The following ATRNL1 variants were observed in gnomAD, a reference collection of about 807,000 sequenced individuals.
ATRNL1 encodes the protein attractin like 1, also known as attractin-like protein 1.
In ATRNL1, 95 loss-of-function variants were observed where a neutral mutation model predicts 182.7. The ratio of observed to expected loss-of-function variants is 0.52; its 90% CI spans 0.44 to 0.62. The LOEUF (loss-of-function observed/expected upper bound fraction) is 0.62, where lower values mean the gene tolerates loss of function less well. Among genes scored for constraint, ATRNL1 ranks in the 20% least tolerant of loss-of-function variants. The probability of loss-of-function intolerance (pLI) is 0.00; values close to 1 mark genes in which losing one functional copy is unlikely to be tolerated. For synonymous variants in ATRNL1, 576 were observed against 568.3 expected (o/e 1.01, Z -0.19); for missense variants, 1,471 against 1,679.5 (o/e 0.88, Z 2.17).
intron 26 of ATRNL1, among the ~76,000 whole-genome samples, chr10:115,613,566 T>C (rs949068079): frequency 6.6e-6 from 1 of 152,284 alleles, no homozygotes; most frequent in East Asian, 1.9e-4. Context: ...AATTCCTTCT[T>C]CATCAGTTTT....
At chr10:115,431,309 G>T (rs1405321598) in intron 21 of ATRNL1, among the ~76,000 whole-genome samples, 1 of 151,836 alleles carries the variant, frequency 6.6e-6, no homozygotes, top group Non-Finnish European at 1.5e-5. Flanking sequence ...GGAGGCTGAG[G>T]CAGGAGAATC....
At chr10:115,651,652 C>T (rs1860011470) in intron 26 of ATRNL1, among the ~76,000 whole-genome samples, 1 of 152,084 alleles carries the variant, frequency 6.6e-6, no homozygotes, top group Admixed American at 6.6e-5. Context: ...GCAAGGCATT[C>T]GTGAAACTAA....
intron 28 of ATRNL1, among the ~76,000 whole-genome samples, chr10:115,863,008 G>A (rs1195783517): frequency 2.6e-5 from 4 of 152,180 alleles, no homozygotes; most frequent in East Asian, 1.9e-4. Flanking sequence ...ATCTACAAAC[G>A]TCTACTCATT....
chr10:115,530,644 A>ATTATTT, intron 25 of ATRNL1, among the ~76,000 whole-genome samples: 1 of 152,194 alleles, frequency 6.6e-6, no homozygotes, highest in Non-Finnish European at 1.5e-5. Flanking sequence ...TATTATTATT[A>ATTATTT]TACTTTAAGT....
intron 19 of ATRNL1, among the ~76,000 whole-genome samples, chr10:115,351,020 A>G (rs1299163040): frequency 6.6e-6 from 1 of 152,030 alleles, no homozygotes; most frequent in African/African-American, 2.4e-5. Context: ...GCTATTTTAA[A>G]TGGGATTACT....
intron 26 of ATRNL1, among the ~76,000 whole-genome samples, chr10:115,696,845 C>A (rs1029551712): frequency 1.5e-4 from 22 of 150,594 alleles, no homozygotes; most frequent in Non-Finnish European, 4.4e-5. Context: ...AAAGGGGAAG[C>A]AGGTACAGTC....
intron 21 of ATRNL1, among the ~76,000 whole-genome samples, chr10:115,435,336 T>C (rs982171303): frequency 2.6e-5 from 4 of 152,036 alleles, no homozygotes; most frequent in Admixed American, 2.6e-4. Context: ...TCCACCCTCA[T>C]AGGTGGAATT....
intron 27 of ATRNL1, among the ~76,000 whole-genome samples, chr10:115,795,392 T>C (rs1196173686): frequency 6.6e-6 from 1 of 152,154 alleles, no homozygotes; most frequent in Non-Finnish European, 1.5e-5. Context: ...CCATTATCCT[T>C]AATGTATTGA....
intron 17 of ATRNL1, among the ~76,000 whole-genome samples, chr10:115,308,484 A>G (rs1853848750): frequency 1.3e-5 from 2 of 152,172 alleles, no homozygotes; most frequent in South Asian, 2.1e-4. Flanking sequence ...TATGTGTTCA[A>G]TTTAAACACT....
In ATRNL1 at chr10:115,872,304, T is replaced by C. The variant is rs114709189; in HGVS notation, c.4018+24313T>C. Among the ~76,000 whole-genome samples, 1,047 of 152,296 alleles carry C rather than the reference T, an allele frequency of 6.9e-3. 18 individuals carry two copies. Among genetic ancestry groups the C allele is most frequent in the African/African-American group, 0.024 (1,001 of 41,558 alleles). ...GACAGAAAGATGTCAGTGCTTTCTG[T>C]TGTTAAAAGTTCAAAAGCCTAATAG... On this transcript the variant is annotated intron_variant, in intron 28 of 28. Coordinates refer to ENST00000355044, the MANE Select transcript of ATRNL1 (RefSeq NM_207303.4).
chr10:115,135,945 AC>A (rs1189379845), intron 5 of ATRNL1, among the ~76,000 whole-genome samples: 2 of 151,274 alleles, frequency 1.3e-5, no homozygotes, highest in African/African-American at 2.4e-5. Context: ...TGCAGCGTTG[AC>A]CTTCCATGCT....
At chr10:115,315,451 A>C in intron 17 of ATRNL1, 67 bp from the exon 18 acceptor site, 1 of 1,108,062 alleles carries the variant, frequency 9.0e-7, no homozygotes, top group Non-Finnish European at 1.3e-6. Context: ...TTTATTTTTT[A>C]TTAGCCTATA....
chr10:115,914,415 C>T (rs1952781677), intron 28 of ATRNL1, among the ~76,000 whole-genome samples: 1 of 152,082 alleles, frequency 6.6e-6, no homozygotes, highest in East Asian at 1.9e-4. Context: ...GTCATGTTGA[C>T]CAAAGAGCAG....
chr10:115,299,126 A>T lies in ATRNL1; in HGVS notation c.2416-908A>T, dbSNP rs184643432. Among the ~76,000 whole-genome samples, 349 of 152,002 alleles carry T rather than the reference A, an allele frequency of 2.3e-3. 1 individual carries two copies. Among genetic ancestry groups the T allele is most frequent in the Non-Finnish European group, 3.8e-3 (255 of 67,830 alleles). On this transcript the variant is annotated intron_variant, in intron 15 of 28. Transcript: ENST00000355044. ...ATGTGGAGTTTTGACATCATTTCAC[A>T]TTGTAATATAATATTGGTAGCTTAG...
chr10:115,335,589 A>G (rs148455542), intron 19 of ATRNL1, among the ~76,000 whole-genome samples: 3 of 152,334 alleles, frequency 2.0e-5, no homozygotes, highest in African/African-American at 7.2e-5. Flanking sequence ...TGTGCAGCTA[A>G]TACAGTTGTA....
intron 28 of ATRNL1, among the ~76,000 whole-genome samples, chr10:115,895,923 G>C (rs1952195194): frequency 6.6e-6 from 1 of 152,164 alleles, no homozygotes; most frequent in African/African-American, 2.4e-5. Context: ...GAACATATAT[G>C]AATGTGGAAA....
chr10:115,890,697 A>C (rs1279462710), intron 28 of ATRNL1, among the ~76,000 whole-genome samples: 2 of 152,294 alleles, frequency 1.3e-5, no homozygotes, highest in South Asian at 2.1e-4. Context: ...GAATGAGCCA[A>C]TAAACTTTAG....
chr10:115,795,769 G>A (rs980824689), intron 27 of ATRNL1, among the ~76,000 whole-genome samples: 1 of 152,074 alleles, frequency 6.6e-6, no homozygotes, highest in African/African-American at 2.4e-5. Context: ...GAGGGATGGT[G>A]CGAAGTGCTA....
intron 5 of ATRNL1, among the ~76,000 whole-genome samples, chr10:115,131,348 TTTC>T (rs1372200227): frequency 2.6e-5 from 4 of 152,264 alleles, no homozygotes; most frequent in African/African-American, 9.6e-5. Context: ...TTTATACCAT[TTTC>T]TTAATAATTA....
Sources: gnomAD v4.1 joint callset for allele counts (sites outside exome capture counted in the v4.1 genomes callset) on GRCh38, gnomAD v4.1.1 for gene constraint, MANE v1.5 for transcripts, NCBI Gene and HGNC (gene_info 2026-07-23, HGNC 2026-07-21) for gene names.